Variants in MRPS28 observed in about 807,000 individuals in gnomAD.
MRPS28 encodes the protein mitochondrial ribosomal protein S28, also known as small ribosomal subunit protein bS1m.
Under a neutral mutation model 10.8 loss-of-function variants are expected in MRPS28, and 7 were observed. That is an observed-to-expected ratio of 0.65 (90% CI 0.37 to 1.22). MRPS28 has a LOEUF of 1.22. Ranked by LOEUF, MRPS28 falls within the 50% of genes most tolerant of loss-of-function variation. The pLI is 0.02. For missense variants in MRPS28, 265 were observed against 232.9 expected, an observed-to-expected ratio of 1.14 and a Z score of -0.90; for synonymous variants, 121 against 93.3, an observed-to-expected ratio of 1.30 and a Z score of -1.71.
intron 2 of MRPS28, among the ~76,000 whole-genome samples, chr8:79,953,527 A>C (rs949550094): frequency 6.6e-6 from 1 of 152,210 alleles, no homozygotes; most frequent in Admixed American, 6.5e-5. Context: ...AAAAAATGAA[A>C]TTTGACTTCT....
intron 2 of MRPS28, among the ~76,000 whole-genome samples, chr8:79,984,920 C>T (rs899865793): frequency 1.2e-4 from 18 of 152,110 alleles, no homozygotes; most frequent in Admixed American, 5.2e-4. Flanking sequence ...TTGCACCACG[C>T]GGACCTAATA....
At chr8:79,923,013 A>G (rs1433916239) in intron 2 of MRPS28, among the ~76,000 whole-genome samples, 2 of 152,074 alleles carry the variant, frequency 1.3e-5, no homozygotes, top group East Asian at 3.8e-4. Flanking sequence ...CATTTAGGCT[A>G]TTCAGCTTTT....
intron 1 of MRPS28, among the ~76,000 whole-genome samples, chr8:80,027,416 G>A (rs942744056): frequency 6.6e-6 from 1 of 152,180 alleles, no homozygotes; most frequent in Admixed American, 6.5e-5. Flanking sequence ...GAACTGAGCC[G>A]AAGCTTTTAA....
intron 2 of MRPS28, among the ~76,000 whole-genome samples, chr8:79,943,556 C>T (rs1806824583): frequency 6.6e-6 from 1 of 152,152 alleles, no homozygotes; most frequent in Non-Finnish European, 1.5e-5. Context: ...CTAACATGAG[C>T]ACTGTTATAA....
chr8:80,026,171 A>G (rs1809488936), intron 1 of MRPS28, among the ~76,000 whole-genome samples: 1 of 152,224 alleles, frequency 6.6e-6, no homozygotes. Context: ...TAATCTCACG[A>G]TACTGTTCAA....
intron 2 of MRPS28, among the ~76,000 whole-genome samples, chr8:79,983,213 C>A (rs1481338760): frequency 6.6e-6 from 1 of 152,096 alleles, no homozygotes. Flanking sequence ...AGCTGAGTGT[C>A]CTGCCTGTTA....
At chr8:79,948,956 A>G (rs1305931673) in intron 2 of MRPS28, among the ~76,000 whole-genome samples, 1 of 152,132 alleles carries the variant, frequency 6.6e-6, no homozygotes, top group East Asian at 1.9e-4. Flanking sequence ...CTGATTCCTG[A>G]TATTTACTTT....
At chr8:80,012,173 G>A (rs1464934557) in intron 1 of MRPS28, among the ~76,000 whole-genome samples, 2 of 151,998 alleles carry the variant, frequency 1.3e-5, no homozygotes, top group Non-Finnish European at 2.9e-5. Flanking sequence ...GTGTGTTTTT[G>A]GCGAGTGAAA....
At chr8:79,967,497 CAT>C (rs952005200) in intron 2 of MRPS28, among the ~76,000 whole-genome samples, 5 of 152,146 alleles carry the variant, frequency 3.3e-5, no homozygotes, top group African/African-American at 9.7e-5. Context: ...GAAAAGGCCA[CAT>C]AGTTTCCCAC....
intron 2 of MRPS28, among the ~76,000 whole-genome samples, chr8:79,975,304 ATAAT>A (rs1028899318): frequency 5.3e-5 from 8 of 152,308 alleles, no homozygotes; most frequent in East Asian, 3.9e-4. Flanking sequence ...CTTGGAAAAG[ATAAT>A]TAATTAATTA....
chr8:80,028,319 T>A (rs1380217767), intron 1 of MRPS28, among the ~76,000 whole-genome samples: 2 of 152,088 alleles, frequency 1.3e-5, no homozygotes, highest in Non-Finnish European at 2.9e-5. Context: ...AAGGGAGCAC[T>A]GAACTCTATG....
rs16919579 is a variant in MRPS28 at position 80,003,087 on chromosome 8, G to A, written c.307C>T (p.Arg103Trp). Residue 103 changes from arginine (R) to tryptophan (W), a missense_variant, in exon 2 of 3, where the codon CGG becomes TGG. Physicochemically the swap from Arg to Trp is moderately radical, Grantham distance 101 (BLOSUM62 -3). Transcript: ENST00000276585. ...TCATTCTCCACAATATGAAAGATCC[G>A]TCCAATGACCAGTTTATCCTTTGCA... ...GPAKDKLVIG[R>W]IFHIVENDLY... The A allele has an allele frequency of 4.2e-3, 6,763 of 1,613,514 alleles. 260 individuals are homozygous for A. In the African/African-American group the frequency reaches 0.078, roughly 19 times the overall value.
intron 2 of MRPS28, among the ~76,000 whole-genome samples, chr8:79,970,536 TTG>T (rs908655408): frequency 6.6e-6 from 1 of 152,194 alleles, no homozygotes; most frequent in African/African-American, 2.4e-5. Flanking sequence ...CTCTCCTGTT[TTG>T]AATACCAACA....
chr8:79,993,269 A>C (rs1808414852), intron 2 of MRPS28, among the ~76,000 whole-genome samples: 1 of 152,192 alleles, frequency 6.6e-6, no homozygotes. Context: ...CTACCAAAGT[A>C]GTTTCCAGAT....
intron 2 of MRPS28, among the ~76,000 whole-genome samples, chr8:80,001,554 A>G (rs765136622): frequency 6.6e-6 from 1 of 152,242 alleles, no homozygotes; most frequent in African/African-American, 2.4e-5. Flanking sequence ...TTTAGACACA[A>G]TAACTAATTG....
In MRPS28 at chr8:79,955,729, A is replaced by G. The variant is rs568213560; in HGVS notation, c.396-36581T>C. On this transcript the variant is annotated intron_variant, in intron 2 of 2. Coordinates refer to ENST00000276585, the MANE Select transcript of MRPS28 (RefSeq NM_014018.3). Reference sequence around the variant, plus strand: ...GAAACTACTCCAAATTTAGTTGCTTAAAACAAAAATAGTTTATAAATCTAC... The same window carrying G: ...GAAACTACTCCAAATTTAGTTGCTTGAAACAAAAATAGTTTATAAATCTAC... 1.4e-4 allele frequency among the ~76,000 whole-genome samples: 21 copies of G among 152,318 alleles called. No individual in the cohort carries two copies. The South Asian group carries it at 4.1e-3, about 30-fold the overall frequency.
chr8:79,990,712 A>T (rs1027950840), intron 2 of MRPS28, among the ~76,000 whole-genome samples: 1 of 151,976 alleles, frequency 6.6e-6, no homozygotes, highest in Non-Finnish European at 1.5e-5. Context: ...ACTGTGGGAT[A>T]GGCGCAGTGG....
chr8:79,958,425 A>G (rs1807284690), intron 2 of MRPS28: 1 of 688,680 alleles, frequency 1.5e-6, no homozygotes. Context: ...GCATACCACG[A>G]AATGGGACTC....
intron 2 of MRPS28, among the ~76,000 whole-genome samples, chr8:79,969,991 T>C (rs1175726355): frequency 1.3e-5 from 2 of 152,238 alleles, no homozygotes; most frequent in Non-Finnish European, 2.9e-5. Flanking sequence ...ATATTATACA[T>C]GCTTGGATAT....
Sources: allele counts gnomAD v4.1 joint callset (sites outside exome capture counted in the v4.1 genomes callset), GRCh38; gene constraint gnomAD v4.1.1; transcripts MANE v1.5; gene names NCBI Gene and HGNC (gene_info 2026-07-23, HGNC 2026-07-21).